The following CDH18 variants were observed in gnomAD, a reference collection of about 807,000 sequenced individuals.
CDH18 encodes cadherin-18.
A neutral mutation model predicts 67.9 loss-of-function variants in CDH18; 31 were observed. The observed-to-expected ratio is 0.46, with a 90% CI of 0.34 to 0.62. The LOEUF (loss-of-function observed/expected upper bound fraction) is 0.62, where lower values mean the gene tolerates loss of function less well. Ranked by LOEUF, CDH18 falls within the 20% of genes least tolerant of loss-of-function variation. The pLI, the probability that CDH18 is intolerant of heterozygous loss-of-function variation, is 0.01. For missense variants in CDH18, 890 were observed against 975.5 expected, an observed-to-expected ratio of 0.91 and a Z score of 1.17; for synonymous variants, 362 against 347.2, an observed-to-expected ratio of 1.04 and a Z score of -0.48.
intron 3 of CDH18, among the ~76,000 whole-genome samples, chr5:19,819,153 G>GTA (rs1779594740): frequency 6.6e-6 from 1 of 151,648 alleles, no homozygotes. Flanking sequence ...TTAGCCACAT[G>GTA]TATATATATT....
chr5:20,258,648 T>A (rs1462551445), intron 1 of CDH18, among the ~76,000 whole-genome samples: 1 of 152,182 alleles, frequency 6.6e-6, no homozygotes, highest in Non-Finnish European at 1.5e-5. Context: ...TATTTGTATT[T>A]AATTTTAATT....
intron 2 of CDH18, among the ~76,000 whole-genome samples, chr5:20,038,290 A>G (rs1270018772): frequency 6.6e-6 from 1 of 152,194 alleles, no homozygotes; most frequent in African/African-American, 2.4e-5. Flanking sequence ...AGCTGGTACC[A>G]TTCCTTCTGA....
At chr5:19,549,168 G>T (rs561169687) in intron 8 of CDH18, among the ~76,000 whole-genome samples, 34 of 152,274 alleles carry the variant, frequency 2.2e-4, no homozygotes, top group Non-Finnish European at 4.1e-4. Context: ...CCAGGTGGGA[G>T]GTGACTGGAT....
intron 1 of CDH18, among the ~76,000 whole-genome samples, chr5:20,434,618 T>C (rs560843190): frequency 6.6e-5 from 10 of 152,144 alleles, no homozygotes; most frequent in Non-Finnish European, 1.2e-4. Flanking sequence ...TTTGGAACTG[T>C]CAAAACAACT....
intron 5 of CDH18, among the ~76,000 whole-genome samples, chr5:19,673,493 A>C (rs1310885225): frequency 1.3e-5 from 2 of 152,072 alleles, no homozygotes; most frequent in Non-Finnish European, 2.9e-5. Flanking sequence ...TAAAAAATAA[A>C]ATCTTTAAAG....
chr5:20,146,201 A>G (rs1003434832), intron 2 of CDH18, among the ~76,000 whole-genome samples: 1 of 151,866 alleles, frequency 6.6e-6, no homozygotes, highest in African/African-American at 2.4e-5. Flanking sequence ...TTCCTTCCTT[A>G]ACTAGTAGCC....
intron 5 of CDH18, among the ~76,000 whole-genome samples, chr5:19,715,598 T>C (rs904571653): frequency 6.6e-6 from 1 of 152,164 alleles, no homozygotes; most frequent in East Asian, 1.9e-4. Context: ...TTTCTCTTAT[T>C]TATCATGTTT....
At chr5:20,276,936 G>A (rs1294653353) in intron 1 of CDH18, among the ~76,000 whole-genome samples, 2 of 152,074 alleles carry the variant, frequency 1.3e-5, no homozygotes, top group Admixed American at 1.3e-4. Context: ...CTCTGCTTGT[G>A]GAAAGGGGAG....
chr5:19,492,849 T>G (rs1741689713), intron 11 of CDH18, among the ~76,000 whole-genome samples: 1 of 152,138 alleles, frequency 6.6e-6, no homozygotes, highest in Non-Finnish European at 1.5e-5. Flanking sequence ...CTTGGCACAA[T>G]TTTTTCTAGC....
At chr5:19,731,147 G>T (rs528228238) in intron 4 of CDH18, among the ~76,000 whole-genome samples, 2 of 152,176 alleles carry the variant, frequency 1.3e-5, no homozygotes, top group African/African-American at 4.8e-5. Flanking sequence ...CTTCTCTTCA[G>T]TGTTAAAAAA....
At chr5:20,285,771 T>C (rs976871520) in intron 1 of CDH18, among the ~76,000 whole-genome samples, 1 of 151,642 alleles carries the variant, frequency 6.6e-6, no homozygotes. Flanking sequence ...TTAGTAATAG[T>C]CAAATCATAG....
At chr5:20,417,956 A>G (rs899249348) in intron 1 of CDH18, among the ~76,000 whole-genome samples, 1 of 152,222 alleles carries the variant, frequency 6.6e-6, no homozygotes, top group African/African-American at 2.4e-5. Flanking sequence ...AAATTAATAT[A>G]GTTTACACAA....
intron 9 of CDH18, among the ~76,000 whole-genome samples, chr5:19,525,420 A>G (rs1580000419): frequency 1.3e-5 from 2 of 152,016 alleles, no homozygotes; most frequent in East Asian, 1.9e-4. Flanking sequence ...AGTTTCGTCT[A>G]TATACCTACT....
At chr5:19,979,215 A>AGTGTGTGTGT (rs113093535) in intron 2 of CDH18, among the ~76,000 whole-genome samples, 49 of 146,944 alleles carry the variant, frequency 3.3e-4, no homozygotes, top group African/African-American at 7.0e-4. Flanking sequence ...GTGGGGATGG[A>AGTGTGTGTGT]GTGTGTGTGT....
chr5:20,090,938 A>G (rs960773427), intron 2 of CDH18, among the ~76,000 whole-genome samples: 9 of 151,812 alleles, frequency 5.9e-5, no homozygotes, highest in African/African-American at 1.9e-4. Context: ...AGTCCCAGCT[A>G]TTCAGGGAGG....
intron 2 of CDH18, among the ~76,000 whole-genome samples, chr5:19,847,551 T>C (rs1418292947): frequency 6.6e-6 from 1 of 152,150 alleles, no homozygotes; most frequent in African/African-American, 2.4e-5. Context: ...TTTTGAATTC[T>C]TTGTTATATA....
chr5:19,753,533 T>C (rs1771129981), intron 3 of CDH18, among the ~76,000 whole-genome samples: 1 of 152,140 alleles, frequency 6.6e-6, no homozygotes, highest in African/African-American at 2.4e-5. Flanking sequence ...TTATATTAAA[T>C]GACCAAACCT....
At chr5:19,822,607 T>G (rs2149953944) in intron 3 of CDH18, among the ~76,000 whole-genome samples, 2 of 152,188 alleles carry the variant, frequency 1.3e-5, no homozygotes, top group South Asian at 4.1e-4. Context: ...CAGCAAGTTT[T>G]TATTAGTGAT....
intron 8 of CDH18, among the ~76,000 whole-genome samples, chr5:19,553,512 T>G (rs1000620388): frequency 1.1e-4 from 16 of 151,966 alleles, no homozygotes; most frequent in African/African-American, 3.9e-4. Context: ...GTAAAGCAAA[T>G]GTATTTAAGA....
Sources: allele counts gnomAD v4.1 joint callset (sites outside exome capture counted in the v4.1 genomes callset), GRCh38; gene constraint gnomAD v4.1.1; transcripts MANE v1.5; gene names NCBI Gene and HGNC (gene_info 2026-07-23, HGNC 2026-07-21).